The following RANGAP1 variants were observed in gnomAD, a reference collection of about 807,000 sequenced individuals.
RANGAP1 encodes Ran GTPase activating protein 1.
A neutral mutation model predicts 63.5 loss-of-function variants in RANGAP1; 38 were observed. The observed-to-expected ratio is 0.60, with a 90% CI of 0.46 to 0.78. RANGAP1 has a LOEUF of 0.78. RANGAP1 is among the 30% of genes least tolerant of loss of function. The probability of loss-of-function intolerance (pLI) is 0.00; values close to 1 mark genes in which losing one functional copy is unlikely to be tolerated. For missense variants in RANGAP1, 630 were observed against 740.3 expected (o/e 0.85, Z 1.73); for synonymous variants, 329 against 310.5 (o/e 1.06, Z -0.63).
intron 4 of RANGAP1, among the ~76,000 whole-genome samples, 187 bp downstream of exon 4, chr22:41,267,910 T>C (rs1455911942): frequency 6.6e-6 from 1 of 152,168 alleles, no homozygotes; most frequent in East Asian, 1.9e-4. Context: ...TGTCAGTCTC[T>C]GTGCTCCCAC....
chr22:41,269,928 G>A (rs908019739), intron 3 of RANGAP1, among the ~76,000 whole-genome samples: 1 of 151,972 alleles, frequency 6.6e-6, no homozygotes, highest in East Asian at 1.9e-4. Context: ...CCGCCTCCCA[G>A]GTTCAAGTGA....
At position 41,257,904 on chromosome 22, in the gene RANGAP1, C is replaced by G. The variant is rs1418821460; in HGVS notation, c.774+44G>C. On this transcript the variant is annotated intron_variant, in intron 7 of 15. Transcript: ENST00000356244. The surrounding 1 kb of genome is among the most constrained non-coding windows in gnomAD (Gnocchi z 4.0). ...CTTCCCTGGAAAGACAGCAGCCAGC[C>G]TCTATCTGGCGGGGCCCAACTGGCT... The G allele has an allele frequency of 6.5e-7, 1 of 1,549,818 alleles. No individual in the cohort carries two copies.
chr22:41,288,042 C>T (rs1399720481), upstream of RANGAP1, among the ~76,000 whole-genome samples: 1 of 152,122 alleles, frequency 6.6e-6, no homozygotes, highest in African/African-American at 2.4e-5. Context: ...TCCTTTTACA[C>T]ACAGCTCATT....
intron 15 of RANGAP1, 135 bp downstream of exon 15, chr22:41,249,195 G>A: frequency 8.0e-7 from 1 of 1,254,280 alleles, no homozygotes; most frequent in South Asian, 1.6e-5. Context: ...GGAGGCATGA[G>A]GGCCTCTCAT....
Position 41,257,733 on chromosome 22 carries a change from T to A in RANGAP1, c.774+215A>T, listed in dbSNP as rs2033926826. 6.6e-6 allele frequency among the ~76,000 whole-genome samples: 1 copy of A among 152,150 alleles called. No individual in the cohort carries two copies. Among genetic ancestry groups the A allele is most frequent in the Admixed American group, 6.5e-5 (1 of 15,284 alleles). On this transcript the variant is annotated intron_variant, in intron 7 of 15. Coordinates refer to ENST00000356244, the MANE Select transcript of RANGAP1 (RefSeq NM_002883.4). This position sits in a 1 kb window ranked among gnomAD's most constrained non-coding sequence, Gnocchi z 4.0. ...AGAGGCGGCTCAGGAGAAGGTGGCA[T>A]GAAGAATCAGAGCTGCCCGAGGAGG... is the stretch of plus-strand genomic sequence containing the variant.
chr22:41,252,862 T>C lies in RANGAP1; in HGVS notation c.1380+10A>G, dbSNP rs755686173. The C allele has an allele frequency of 1.2e-5, 19 of 1,564,380 alleles. No homozygotes were observed. In the Admixed American group the frequency reaches 3.2e-4, roughly 27 times the overall value. ...CACGTACAGCGTGGGGGTCGAGGGGTGGTTATTACCTGCTGGGCTATCAGC... is the reference window on the plus strand; with the variant it reads ...CACGTACAGCGTGGGGGTCGAGGGGCGGTTATTACCTGCTGGGCTATCAGC... On this transcript the variant is annotated intron_variant, in intron 12 of 15. Coordinates refer to ENST00000356244, the MANE Select transcript of RANGAP1 (RefSeq NM_002883.4).
intron 3 of RANGAP1, among the ~76,000 whole-genome samples, chr22:41,271,687 C>T (rs925324293): frequency 5.1e-4 from 75 of 148,018 alleles, no homozygotes; most frequent in African/African-American, 1.9e-3. Context: ...AGCGAGACTC[C>T]GTCTCAAAAA....
chr22:41,297,686 C>CTTTTT, the RANGAP1 span, among the ~76,000 whole-genome samples: 3 of 93,378 alleles, frequency 3.2e-5, no homozygotes, highest in Non-Finnish European at 6.2e-5. Flanking sequence ...CCACACCTGG[C>CTTTTT]TTTTTTTTTT....
intron 4 of RANGAP1, among the ~76,000 whole-genome samples, chr22:41,266,826 G>A (rs868089629): frequency 4.0e-5 from 6 of 151,700 alleles, no homozygotes; most frequent in Non-Finnish European, 5.9e-5. Flanking sequence ...GATTACAGGC[G>A]TGAGCCACTG....
At chr22:41,298,039 G>A in the RANGAP1 span, among the ~76,000 whole-genome samples, 1 of 151,960 alleles carries the variant, frequency 6.6e-6, no homozygotes, top group Non-Finnish European at 1.5e-5. Flanking sequence ...TGTATTTTTA[G>A]TAGAGACAAG....
rs1041437722 is a variant in RANGAP1, at chr22:41,281,089, A to C, written c.-38-7T>G. On this transcript the variant is annotated splice_region_variant and splice_polypyrimidine_tract_variant and intron_variant, in intron 1 of 15. Transcript: ENST00000356244. The stretch of plus-strand genomic sequence containing the variant: ...TCCCCTGGAGATCTGCAGACTGAGG[A>C]GGCCAAAGTTGCAGTAAGAAAAAGG... 7 of 1,530,458 alleles carry C rather than the reference A, an allele frequency of 4.6e-6. No homozygotes were observed. The highest frequency in any genetic ancestry group is 5.2e-6 in the Non-Finnish European group (6 of 1,147,764). 94.8% of individuals were successfully genotyped at this position (1,530,458 alleles called of 1,614,324 possible). A position where few individuals can be genotyped will look rare whatever the true frequency, so the allele number is the denominator to read the frequency against.
At chr22:41,281,489 G>C (rs1367373245) in intron 1 of RANGAP1, 1 of 993,774 alleles carries the variant, frequency 1.0e-6, no homozygotes, top group South Asian at 4.5e-5. Flanking sequence ...CTCTGTTTGA[G>C]GGTCCCATTC....
At chr22:41,258,289 T>G (rs2033964968) in intron 6 of RANGAP1, among the ~76,000 whole-genome samples, 183 bp from the exon 7 acceptor site, 4 of 152,228 alleles carry the variant, frequency 2.6e-5, no homozygotes. Context: ...GAGGGAGGCC[T>G]ACTGCCTGGG....
chr22:41,270,231 C>G (rs2034722436), intron 3 of RANGAP1, among the ~76,000 whole-genome samples: 1 of 152,126 alleles, frequency 6.6e-6, no homozygotes, highest in Non-Finnish European at 1.5e-5. Context: ...ACCTCCACCT[C>G]CCAAGTTCAA....
intron 1 of RANGAP1, chr22:41,282,196 AGAGGCT>A (rs2035529228): frequency 6.6e-6 from 1 of 152,196 alleles, no homozygotes; most frequent in African/African-American, 2.4e-5. Flanking sequence ...CAGCTACTGG[AGAGGCT>A]GAGGCAGGAG....
At chr22:41,264,344 C>T (rs1276928623) in intron 5 of RANGAP1, among the ~76,000 whole-genome samples, 5 of 152,232 alleles carry the variant, frequency 3.3e-5, no homozygotes, top group Non-Finnish European at 5.9e-5. Context: ...GTGCCAGGCT[C>T]TACCAGCTGC....
At chr22:41,262,977 C>T (rs906853906) in intron 5 of RANGAP1, among the ~76,000 whole-genome samples, 2 of 152,246 alleles carry the variant, frequency 1.3e-5, no homozygotes, top group African/African-American at 4.8e-5. Flanking sequence ...CTTGGTTAGA[C>T]ACCCAGACCA....
At chr22:41,278,245 G>A (rs2035274580) in intron 2 of RANGAP1, among the ~76,000 whole-genome samples, 1 of 152,050 alleles carries the variant, frequency 6.6e-6, no homozygotes, top group South Asian at 2.1e-4. Flanking sequence ...CTCCATGTTG[G>A]CCAGGCTGGT....
At chr22:41,256,639 G>A (rs1237718699) in intron 8 of RANGAP1, 72 bp downstream of exon 8, 5 of 1,364,462 alleles carry the variant, frequency 3.7e-6, no homozygotes, top group Admixed American at 3.7e-5. Flanking sequence ...CTTCAGACCA[G>A]ACCCCTGTGC....
Sources: allele counts gnomAD v4.1 joint callset (sites outside exome capture counted in the v4.1 genomes callset), GRCh38; gene constraint gnomAD v4.1.1; non-coding constraint Gnocchi (gnomAD v3.1); transcripts MANE v1.5; gene names NCBI Gene and HGNC (gene_info 2026-07-23, HGNC 2026-07-21).